The following RSPH14 variants were observed in gnomAD, a reference collection of about 807,000 sequenced individuals.
RSPH14 encodes radial spoke head 14 homolog, also known as rhabdoid tumor deletion region gene 1.
A neutral mutation model predicts 26.7 loss-of-function variants in RSPH14; 20 were observed. The observed-to-expected ratio is 0.75, with a 90% confidence interval of 0.53 to 1.09. RSPH14 has a LOEUF of 1.09. Among genes scored for constraint, RSPH14 ranks in the 50% least tolerant of loss-of-function variants. The pLI is 0.00. For synonymous variants in RSPH14, 177 were observed against 189.3 expected (o/e 0.93, Z 0.53); for missense variants, 449 against 457.2 (o/e 0.98, Z 0.16).
intron 4 of RSPH14, among the ~76,000 whole-genome samples, chr22:23,067,394 C>G (rs1355678765): frequency 4.6e-5 from 7 of 152,186 alleles, no homozygotes; most frequent in Admixed American, 4.6e-4. Context: ...CAGGACAGAG[C>G]ACCAGCACCC....
chr22:23,065,568 G>C (rs1392291526), intron 4 of RSPH14, among the ~76,000 whole-genome samples: 1 of 111,806 alleles, frequency 8.9e-6, no homozygotes, highest in East Asian at 3.0e-4. Flanking sequence ...AAAAAGCCTA[G>C]GTCTCATTTA....
chr22:23,157,868 C>T, the RSPH14 span: 130 of 1,561,712 alleles, frequency 8.3e-5, 2 homozygotes, highest in Non-Finnish European at 9.9e-5. Context: ...TAGGAGGTTC[C>T]GGTGCTGAGT....
chr22:23,120,292 C>T (rs959407250), intron 4 of RSPH14, among the ~76,000 whole-genome samples: 1 of 152,178 alleles, frequency 6.6e-6, no homozygotes, highest in Non-Finnish European at 1.5e-5. Flanking sequence ...CACCCCAGGA[C>T]TCACGGGGGC....
chr22:23,140,345 G>C lies in RSPH14; in HGVS notation c.76C>G (p.Arg26Gly), dbSNP rs1479164076. 2.5e-6 allele frequency: 4 copies of C among 1,614,086 alleles called. No homozygotes were observed. Among genetic ancestry groups the C allele is most frequent in the Non-Finnish European group, 2.5e-6 (3 of 1,180,046 alleles). The change falls in exon 2 of 7, where the codon CGG becomes GGG. Residue 26 changes from arginine (R) to glycine (G), a missense_variant. Arg to Gly is a moderately radical substitution (Grantham distance 125, BLOSUM62 -2). Transcript: ENST00000216036. ...ATQITTAYGH[R>G]ALPKLKEELQ... ...TCCTCCTTCAGCTTGGGCAGGGCCC[G>C]ATGGCCATAGGCAGTGGTAATCTGG... is the stretch of plus-strand genomic sequence containing the variant.
At chr22:23,078,361 G>A (rs1470878098) in intron 4 of RSPH14, among the ~76,000 whole-genome samples, 1 of 152,268 alleles carries the variant, frequency 6.6e-6, no homozygotes, top group East Asian at 1.9e-4. Context: ...CACCACGCAC[G>A]CAAGCACAGC....
chr22:23,156,130 T>G, the RSPH14 span: 1 of 758,292 alleles, frequency 1.3e-6, no homozygotes, highest in Non-Finnish European at 2.0e-6. Flanking sequence ...CAGGCACCAG[T>G]TTTTTGTCCT....
the RSPH14 span, chr22:23,161,610 A>G: frequency 6.7e-7 from 1 of 1,493,140 alleles, no homozygotes; most frequent in South Asian, 1.2e-5. Context: ...ACACACGGAC[A>G]GGAATTTCCG....
chr22:23,068,873 C>T (rs41277527), intron 4 of RSPH14, among the ~76,000 whole-genome samples: 2 of 152,334 alleles, frequency 1.3e-5, no homozygotes, highest in Non-Finnish European at 2.9e-5. Flanking sequence ...TCCAGCCTGA[C>T]ACAGCCTGGT....
At chr22:23,098,936 G>A (rs1268225220) in intron 4 of RSPH14, among the ~76,000 whole-genome samples, 1 of 152,212 alleles carries the variant, frequency 6.6e-6, no homozygotes, top group African/African-American at 2.4e-5. Context: ...GGAACGTGCT[G>A]AACTGTCCTC....
At chr22:23,102,322 G>A (rs1220362836) in intron 4 of RSPH14, among the ~76,000 whole-genome samples, 2 of 152,218 alleles carry the variant, frequency 1.3e-5, no homozygotes, top group East Asian at 3.9e-4. Context: ...GCAGGGAGGG[G>A]TGGAGAAGGC....
At chr22:23,162,834 A>C in the RSPH14 span, 346 of 437,654 alleles carry the variant, frequency 7.9e-4, 2 homozygotes, top group African/African-American at 6.5e-3. Flanking sequence ...ATTGCCAAAT[A>C]CCAGTTAGGG....
rs949786732 is a variant in RSPH14 at position 23,059,617 on chromosome 22, T to C, written c.892A>G (p.Met298Val). ...CGGCCCTCGGGGGCCTCTGCCAGCA[T>C]GGTAAGGGCCTTGGTGGCATTCAGG... ...ARLNATKALT[M>V]LAEAPEGRKA... The change falls in exon 7 of 7, where the codon ATG becomes GTG. Residue 298 changes from methionine (M) to valine (V), a missense_variant. By Grantham distance (21) the Met-to-Val change is conservative. Transcript: ENST00000216036. 2.5e-6 allele frequency: 4 copies of C among 1,612,566 alleles called. No homozygotes were observed. Among genetic ancestry groups the C allele is most frequent in the Non-Finnish European group, 3.4e-6 (4 of 1,179,450 alleles).
At chr22:23,157,396 G>A in the RSPH14 span, among the ~76,000 whole-genome samples, 8 of 151,960 alleles carry the variant, frequency 5.3e-5, no homozygotes, top group African/African-American at 1.9e-4. Context: ...GACTGCAGGT[G>A]CCGGCTACCA....
chr22:23,063,252 G>A (rs1480336703), intron 5 of RSPH14, among the ~76,000 whole-genome samples: 2 of 152,320 alleles, frequency 1.3e-5, no homozygotes, highest in South Asian at 4.1e-4. Context: ...AGCCTCTAGT[G>A]AGACTCTCAG....
intron 4 of RSPH14, among the ~76,000 whole-genome samples, chr22:23,088,710 C>A (rs547030565): frequency 6.6e-6 from 1 of 152,318 alleles, no homozygotes; most frequent in East Asian, 1.9e-4. Flanking sequence ...ACAGTGGACA[C>A]CACTGGTCCC....
chr22:23,096,103 G>A (rs2069115785), intron 4 of RSPH14: 1 of 1,610,770 alleles, frequency 6.2e-7, no homozygotes, highest in Non-Finnish European at 8.5e-7. Context: ...CCGACCCAGG[G>A]GCACAGGCCT....
At chr22:23,168,927 T>C in the RSPH14 span, among the ~76,000 whole-genome samples, 62 of 152,302 alleles carry the variant, frequency 4.1e-4, no homozygotes, top group South Asian at 0.013. Context: ...GAGGGTACAC[T>C]AGGCCTCTGC....
At chr22:23,124,051 C>G (rs976908899) in intron 4 of RSPH14, 1 of 229,298 alleles carries the variant, frequency 4.4e-6, no homozygotes, top group African/African-American at 2.4e-5. Context: ...TTTTAAAAAA[C>G]AGCTTCAAAA....
chr22:23,115,653 C>T (rs1280877314), intron 4 of RSPH14, among the ~76,000 whole-genome samples: 1 of 152,162 alleles, frequency 6.6e-6, no homozygotes, highest in African/African-American at 2.4e-5. Context: ...GCAGAAGATG[C>T]GTGAAGCAGG....
Sources: gnomAD v4.1 joint callset for allele counts (sites outside exome capture counted in the v4.1 genomes callset) on GRCh38, gnomAD v4.1.1 for gene constraint, MANE v1.5 for transcripts, NCBI Gene and HGNC (gene_info 2026-07-23, HGNC 2026-07-21) for gene names.